The following ABCC5 variants were observed in gnomAD, a reference collection of about 807,000 sequenced individuals.
ABCC5 encodes ATP binding cassette subfamily C member 5.
In ABCC5, 61 loss-of-function variants were observed where a neutral mutation model predicts 160.9. The observed-to-expected ratio is 0.38, with a 90% CI of 0.31 to 0.47. The LOEUF (loss-of-function observed/expected upper bound fraction) is 0.47. Among genes scored for constraint, ABCC5 ranks in the 20% least tolerant of loss-of-function variants. ABCC5 has a pLI of 0.99. For synonymous variants in ABCC5, 666 were observed against 700.6 expected (o/e 0.95, Z 0.78); for missense variants, 1,308 against 1,813.3 (o/e 0.72, Z 5.06).
rs1719470570 is a variant in ABCC5, at chr3:183,988,873, C to T, written c.288-146G>A. On this transcript the variant is annotated intron_variant, in intron 3 of 29. Transcript: ENST00000334444. This position sits in a 1 kb window ranked among gnomAD's most constrained non-coding sequence, Gnocchi z 4.4. ...TAATCTTAGCCTGAATGTTCTAAAA[C>T]GGCTTTGATGGGCCGGGCGCGGTGG... is the stretch of plus-strand genomic sequence containing the variant. 1.3e-5 allele frequency: 14 copies of T among 1,060,786 alleles called. No individual in the cohort carries two copies. The highest frequency in any genetic ancestry group is 3.3e-5 in the South Asian group (2 of 59,866). The allele number at this position is 1,060,786 out of a possible 1,614,324, so 65.7% of individuals were successfully genotyped here.
At chr3:183,992,905 T>C (rs528357993) in intron 2 of ABCC5, among the ~76,000 whole-genome samples, 1 of 152,354 alleles carries the variant, frequency 6.6e-6, no homozygotes, top group South Asian at 2.1e-4. Flanking sequence ...TTCAGTTTTG[T>C]GGGCTAAGAG....
Position 183,961,561 on chromosome 3 carries a change from A to C in ABCC5, c.2329T>G (p.Tyr777Asp). The change falls in exon 16 of 30, where the codon TAT becomes GAT. Residue 777 changes from tyrosine to aspartate, a missense_variant. Around this residue, in one of 3 missense-constraint regions of ABCC5, gnomAD observed 1,142 missense variants for 1,527.1 expected, o/e 0.75. Coordinates refer to ENST00000334444, the MANE Select transcript of ABCC5 (RefSeq NM_005688.4). ...AACAGGTTATTAAAAATGGTAGCAT[A>C]GTCACCATTTAAATTCATCAGTTCC... ...HEELMNLNGD[Y>D]ATIFNNLLLG... 1 of 1,614,214 alleles carries C rather than the reference A, an allele frequency of 6.2e-7. No individual in the cohort carries two copies.
chr3:183,954,021 G>A (rs1715636108), intron 17 of ABCC5, among the ~76,000 whole-genome samples: 1 of 152,224 alleles, frequency 6.6e-6, no homozygotes, highest in Admixed American at 6.5e-5. Flanking sequence ...GGAGCGAGCA[G>A]CCTCTTTCAT....
intron 16 of ABCC5, 138 bp downstream of exon 16, chr3:183,961,373 G>T: frequency 9.3e-7 from 1 of 1,070,556 alleles, no homozygotes; most frequent in Non-Finnish European, 1.3e-6. Flanking sequence ...AGGCACAGCA[G>T]TCTGTTCACC....
rs927116474 is a variant in ABCC5, at chr3:183,945,881, G to A, written c.3473C>T (p.Thr1158Ile). 1 of 1,614,142 alleles carries A rather than the reference G, an allele frequency of 6.2e-7. No homozygotes were observed. The highest frequency in any genetic ancestry group is 8.5e-7 in the Non-Finnish European group (1 of 1,179,996). ...RLASETEARF[T>I]SVERINHYIK... ...GTAGTGATTGATCCTCTCCACCGAG[G>A]TGAATCGAGCTTCTGTCTCAGATGC... is the stretch of plus-strand genomic sequence containing the variant. Residue 1158 changes from threonine to isoleucine, a missense_variant, in exon 24 of 30, where the codon ACC becomes ATC. Coordinates refer to ENST00000334444, the MANE Select transcript of ABCC5 (RefSeq NM_005688.4).
chr3:183,965,497 G>A lies in ABCC5; in HGVS notation c.1838C>T (p.Thr613Met), dbSNP rs371992489. The change falls in exon 13 of 30, where the codon ACG becomes ATG. Residue 613 changes from threonine to methionine, a missense_variant. Physicochemically the swap from Thr to Met is moderately conservative, Grantham distance 81. This residue lies in a region of ABCC5 where 1,142 missense variants were observed against 1,527.1 expected (regional missense o/e 0.75). Transcript: ENST00000334444. The part of the protein sequence containing the change: ...SLISAILGQM[T>M]LLEGSIAISG... ...GATTGCAATGCTGCCCTCTAGAAGC[G>A]TCATCTAGGGAGAGAGACACCATCC... is the stretch of plus-strand genomic sequence containing the variant. The A allele has an allele frequency of 2.5e-5, 41 of 1,613,544 alleles. No individual in the cohort carries two copies. Among genetic ancestry groups the A allele is most frequent in the African/African-American group, 2.3e-4 (17 of 74,892 alleles).
intron 10 of ABCC5, among the ~76,000 whole-genome samples, chr3:183,972,578 C>A (rs60988721): frequency 0.08 from 12,163 of 152,212 alleles, 1,647 homozygotes; most frequent in African/African-American, 0.28. Flanking sequence ...TGAGAAACAA[C>A]CCTTGGGAAG....
intron 2 of ABCC5, among the ~76,000 whole-genome samples, chr3:183,990,099 G>A (rs571978316): frequency 4.1e-5 from 6 of 146,432 alleles, no homozygotes; most frequent in East Asian, 4.2e-4. Context: ...CACCGCGCCC[G>A]GCCCTGTTTT....
At chr3:183,944,992 G>GAT (rs1714707716) in intron 24 of ABCC5, among the ~76,000 whole-genome samples, 1 of 152,188 alleles carries the variant, frequency 6.6e-6, no homozygotes, top group Non-Finnish European at 1.5e-5. Context: ...GTTCTCAGGA[G>GAT]ATCTGGTTGT....
At chr3:183,950,175 ACTG>A in intron 20 of ABCC5, 50 bp from the exon 21 acceptor site, 1 of 1,555,692 alleles carries the variant, frequency 6.4e-7, no homozygotes, top group Admixed American at 2.1e-5. Flanking sequence ...GAAAAATGGA[ACTG>A]AAAATTGAAA....
Position 183,982,496 on chromosome 3 carries a change from T to A in ABCC5, c.954A>T (p.Thr318=). ...MIYNVIILGP[T]GFLGSAVFIL... is the part of the protein sequence containing the mutation. ...TAAAAACAGCTGATCCCAGGAAGCC[T>A]GTTGGTCCCAGAATAATTACATTAT... The change falls in exon 7 of 30, where the codon ACA becomes ACT. Residue 318 remains threonine, a synonymous_variant. Coordinates refer to ENST00000334444, the MANE Select transcript of ABCC5 (RefSeq NM_005688.4). This position sits in a 1 kb window ranked among gnomAD's most constrained non-coding sequence, Gnocchi z 5.2. 6.2e-7 allele frequency: 1 copy of A among 1,614,172 alleles called. No homozygotes were observed. The highest frequency in any genetic ancestry group is 8.5e-7 in the Non-Finnish European group (1 of 1,180,028).
At position 183,961,785 on chromosome 3, in the gene ABCC5, CATTT is replaced by C. The variant is rs111426319; in HGVS notation, c.2236-135_2236-132del. On this transcript the variant is annotated intron_variant, in intron 15 of 29. Coordinates refer to ENST00000334444, the MANE Select transcript of ABCC5 (RefSeq NM_005688.4). ...GAAGACATTTGGCAGCATCTGGAGA[CATTT>C]TTTTTTTTGAGGCAGAGTCTTGCTC... 6.8e-6 allele frequency: 8 copies of C among 1,169,170 alleles called. 1 individual carries two copies. In the African/African-American group the frequency reaches 9.3e-5, roughly 14 times the overall value. The allele number at this position is 1,169,170 out of a possible 1,614,324, so 72.4% of individuals were successfully genotyped here. A position where few individuals can be genotyped will look rare whatever the true frequency, so the allele number is the denominator to read the frequency against.
chr3:183,943,093 A>G (rs1714520575), intron 24 of ABCC5, among the ~76,000 whole-genome samples, 177 bp from the exon 25 acceptor site: 1 of 152,190 alleles, frequency 6.6e-6, no homozygotes, highest in African/African-American at 2.4e-5. Context: ...ACTAAACTCG[A>G]CAGAGACAGA....
At position 183,951,388 on chromosome 3, in the gene ABCC5, G is replaced by A; in HGVS notation, c.2944+53C>T. The A allele has an allele frequency of 6.3e-7, 1 of 1,598,122 alleles. No individual in the cohort carries two copies. Among genetic ancestry groups the A allele is most frequent in the South Asian group, 1.1e-5 (1 of 87,990 alleles). ...GCACATTTGGAGAATCATCTAGAAG[G>A]CTGGAAGCACAGTGAGCTCCAGAGT... On this transcript the variant is annotated intron_variant, in intron 20 of 29. Transcript: ENST00000334444. This position sits in a 1 kb window ranked among gnomAD's most constrained non-coding sequence, Gnocchi z 4.7.
chr3:183,944,326 T>TC (rs1714640547), intron 24 of ABCC5, among the ~76,000 whole-genome samples: 1 of 151,572 alleles, frequency 6.6e-6, no homozygotes, highest in Non-Finnish European at 1.5e-5. Flanking sequence ...GCCTGGGAGA[T>TC]CGAGGCTGGA....
At chr3:183,934,656 G>A (rs1713507600) in intron 26 of ABCC5, among the ~76,000 whole-genome samples, 1 of 152,116 alleles carries the variant, frequency 6.6e-6, no homozygotes, top group South Asian at 2.1e-4. Context: ...ACGCGCCCAT[G>A]GTCAATTCTT....
At chr3:183,986,001 A>T (rs1719186225) in intron 5 of ABCC5, 1 of 158,788 alleles carries the variant, frequency 6.3e-6, no homozygotes. Flanking sequence ...CTGTCCTTAC[A>T]CAGGTTTCTG....
At chr3:183,947,581 G>T in intron 22 of ABCC5, 71 bp from the exon 23 acceptor site, 1 of 1,255,362 alleles carries the variant, frequency 8.0e-7, no homozygotes, top group Non-Finnish European at 1.1e-6. Context: ...AAGCTTCAGC[G>T]AATCAGATGA....
intron 17 of ABCC5, among the ~76,000 whole-genome samples, chr3:183,953,514 C>A (rs113269638): frequency 0.014 from 2,195 of 152,210 alleles, 53 homozygotes; most frequent in African/African-American, 0.05. Flanking sequence ...CCCTAGGGAC[C>A]TGGCTGAGGA....
Sources: gnomAD v4.1 joint callset for allele counts (sites outside exome capture counted in the v4.1 genomes callset) on GRCh38, gnomAD v4.1.1 for gene constraint, gnomAD v4.1.1 regional missense constraint, Gnocchi (gnomAD v3.1) non-coding constraint, MANE v1.5 for transcripts, NCBI Gene and HGNC (gene_info 2026-07-23, HGNC 2026-07-21) for gene names.